ZNF831: variants seen among roughly 807,000 people sequenced by gnomAD.
ZNF831 encodes the protein chromosome 20 open reading frame 174.
ZNF831 carries 59 observed loss-of-function variants against 95.8 expected under a neutral mutation model. The observed-to-expected ratio is 0.62, with a 90% CI of 0.50 to 0.77. ZNF831 has a LOEUF of 0.77. ZNF831 is among the 30% of genes least tolerant of loss of function. The pLI, the probability that ZNF831 is intolerant of heterozygous loss-of-function variation, is 0.00. For missense variants in ZNF831, 2,205 were observed against 2,164.0 expected (o/e 1.02, Z -0.38); for synonymous variants, 961 against 925.5 (o/e 1.04, Z -0.70).
intron 1 of ZNF831, among the ~76,000 whole-genome samples, chr20:59,134,354 C>T (rs1186516390): frequency 1.3e-5 from 2 of 152,212 alleles, no homozygotes; most frequent in Non-Finnish European, 2.9e-5. Context: ...TGCCATCCTG[C>T]TCATCACTGT....
chr20:59,224,443 C>T (rs188453954), intron 4 of ZNF831, among the ~76,000 whole-genome samples: 122 of 152,312 alleles, frequency 8.0e-4, no homozygotes, highest in African/African-American at 2.8e-3. Flanking sequence ...TTTGTTCCCT[C>T]CTGATGGCTT....
chr20:59,197,292 C>T (rs940219104), intron 3 of ZNF831, among the ~76,000 whole-genome samples: 23 of 152,104 alleles, frequency 1.5e-4, no homozygotes, highest in African/African-American at 4.1e-4. Context: ...TTTCCCTAAT[C>T]GCTTTCTGGC....
intron 1 of ZNF831, among the ~76,000 whole-genome samples, chr20:59,128,270 C>G (rs1031671821): frequency 6.6e-6 from 1 of 152,212 alleles, no homozygotes. Flanking sequence ...GTAAAATGTA[C>G]AGACCAGGTG....
At position 59,254,616 on chromosome 20, in the gene ZNF831, T is replaced by C. The variant is rs772486806; in HGVS notation, c.4907T>C (p.Ile1636Thr). 2 of 1,613,914 alleles carry C rather than the reference T, an allele frequency of 1.2e-6. No individual in the cohort carries two copies. Among genetic ancestry groups the C allele is most frequent in the South Asian group, 2.2e-5 (2 of 91,080 alleles). The change falls in exon 6 of 6, where the codon ATA becomes ACA. Residue 1636 changes from isoleucine (I) to threonine (T), a missense_variant. By Grantham distance (89) the Ile-to-Thr change is moderately conservative. Transcript: ENST00000371030. The surrounding 1 kb of genome is among the most constrained non-coding windows in gnomAD (Gnocchi z 4.5). The stretch of plus-strand genomic sequence containing the variant: ...GTTCCTTCTAAGCCAGAGCAGCCCA[T>C]AGAAATTCCTGAAGCCCCTTCTAAA... ...SVVPSKPEQPIEIPEAPSKSL... is the reference protein window; with the variant it reads ...SVVPSKPEQPTEIPEAPSKSL...
In ZNF831 at chr20:59,193,734, A is replaced by G. The variant is rs1347670637; in HGVS notation, c.2715A>G (p.Pro905=). Residue 905 remains proline (P), a synonymous_variant, in exon 2 of 6, where the codon CCA becomes CCG. Coordinates refer to ENST00000371030, the MANE Select transcript of ZNF831 (RefSeq NM_178457.3). The part of the protein sequence containing the change: ...KRVGPRDKAT[P]LHPAAPAPAE... ...TGGGGCCAAGGGACAAGGCTACCCC[A>G]CTGCATCCTGCAGCCCCAGCCCCCG... The G allele has an allele frequency of 1.9e-6, 3 of 1,610,608 alleles. No homozygotes were observed. Among genetic ancestry groups the G allele is most frequent in the Non-Finnish European group, 2.5e-6 (3 of 1,178,388 alleles).
intron 1 of ZNF831, among the ~76,000 whole-genome samples, chr20:59,178,174 T>G (rs978140847): frequency 7.2e-5 from 11 of 152,024 alleles, no homozygotes; most frequent in African/African-American, 2.2e-4. Flanking sequence ...TCAAGCCCCC[T>G]CCTTTCACTT....
In ZNF831 at chr20:59,208,223, T is replaced by C. The variant is rs1462495161; in HGVS notation, c.4027+1167T>C. Among the ~76,000 whole-genome samples the C allele has an allele frequency of 2.6e-5, 4 of 152,312 alleles. No homozygotes were observed. The highest frequency in any genetic ancestry group is 2.6e-4 in the Admixed American group (4 of 15,302). On this transcript the variant is annotated intron_variant, in intron 4 of 5. Transcript: ENST00000371030. This position sits in a 1 kb window ranked among gnomAD's most constrained non-coding sequence, Gnocchi z 4.2. ...AGCTGGCTCTGAGCTCTCTTCCTCA[T>C]CTGTGGCTCTCAACCTCACCTCCAT...
intron 2 of ZNF831, among the ~76,000 whole-genome samples, chr20:59,154,364 C>T (rs189391424): frequency 3.9e-5 from 6 of 152,268 alleles, no homozygotes; most frequent in East Asian, 3.9e-4. Flanking sequence ...CCAGGTGGTG[C>T]GGTCCCAGAG....
At chr20:59,230,716 G>C (rs912563738) in intron 4 of ZNF831, among the ~76,000 whole-genome samples, 1 of 152,178 alleles carries the variant, frequency 6.6e-6, no homozygotes. Flanking sequence ...GACAGACATA[G>C]CAAATTTACC....
Position 59,192,913 on chromosome 20 carries a change from T to C in ZNF831, c.1894T>C (p.Tyr632His), listed in dbSNP as rs2146574087. 2 of 1,599,226 alleles carry C rather than the reference T, an allele frequency of 1.3e-6. No homozygotes were observed. The highest frequency in any genetic ancestry group is 1.7e-6 in the Non-Finnish European group (2 of 1,173,448). ...CGGGGATGAGACGTTCAAAAGGATCTACCAGAAAATGAAAGCCAGTCCCCA... is the reference window on the plus strand; with the variant it reads ...CGGGGATGAGACGTTCAAAAGGATCCACCAGAAAATGAAAGCCAGTCCCCA... ...VYGDETFKRI[Y>H]QKMKASPHGG... The change falls in exon 2 of 6, where the codon TAC becomes CAC. Residue 632 changes from tyrosine to histidine, a missense_variant. Coordinates refer to ENST00000371030, the MANE Select transcript of ZNF831 (RefSeq NM_178457.3). This position sits in a 1 kb window ranked among gnomAD's most constrained non-coding sequence, Gnocchi z 5.2.
At chr20:59,225,018 G>T (rs552500433) in intron 4 of ZNF831, among the ~76,000 whole-genome samples, 124 of 152,002 alleles carry the variant, frequency 8.2e-4, no homozygotes, top group African/African-American at 2.7e-3. Context: ...ACTGGTGGGG[G>T]AAAAGCTCTT....
chr20:59,143,020 C>T (rs977318130), intron 1 of ZNF831, among the ~76,000 whole-genome samples: 2 of 152,176 alleles, frequency 1.3e-5, no homozygotes, highest in Non-Finnish European at 2.9e-5. Context: ...CTGCCACAGC[C>T]TCCAGAGTAG....
Position 59,193,718 on chromosome 20 carries a change from G to A in ZNF831, c.2699G>A (p.Arg900Lys). The A allele has an allele frequency of 6.2e-7, 1 of 1,612,206 alleles. No individual in the cohort carries two copies. The highest frequency in any genetic ancestry group is 8.5e-7 in the Non-Finnish European group (1 of 1,179,232). ...GTTGCCCTGAAGAGGGTGGGGCCAAGGGACAAGGCTACCCCACTGCATCCT... is the reference window on the plus strand; with the variant it reads ...GTTGCCCTGAAGAGGGTGGGGCCAAAGGACAAGGCTACCCCACTGCATCCT... Reference protein sequence around the residue: ...ASVALKRVGPRDKATPLHPAA... With the variant: ...ASVALKRVGPKDKATPLHPAA... The change falls in exon 2 of 6, where the codon AGG (arginine) becomes AAG (lysine). Residue 900 changes from arginine (R) to lysine (K), a missense_variant. Coordinates refer to ENST00000371030, the MANE Select transcript of ZNF831 (RefSeq NM_178457.3).
intron 1 of ZNF831, among the ~76,000 whole-genome samples, chr20:59,171,326 C>G (rs989744076): frequency 6.6e-6 from 1 of 152,232 alleles, no homozygotes; most frequent in African/African-American, 2.4e-5. Flanking sequence ...GTTTGCATCC[C>G]TTATCATACA....
chr20:59,175,467 T>G (rs572615915), intron 1 of ZNF831, among the ~76,000 whole-genome samples: 1 of 152,260 alleles, frequency 6.6e-6, no homozygotes, highest in Non-Finnish European at 1.5e-5. Flanking sequence ...TTGCTCAGAT[T>G]GGGTAATTTC....
chr20:59,216,708 T>A (rs1985703550), intron 4 of ZNF831, among the ~76,000 whole-genome samples: 1 of 151,862 alleles, frequency 6.6e-6, no homozygotes, highest in African/African-American at 2.4e-5. Flanking sequence ...GCCAGGTGCA[T>A]GGGGGACGGG....
At chr20:59,242,959 A>T (rs931230047) in intron 4 of ZNF831, among the ~76,000 whole-genome samples, 1 of 152,210 alleles carries the variant, frequency 6.6e-6, no homozygotes, top group African/African-American at 2.4e-5. Context: ...TGTGGCATTT[A>T]CCACAATACC....
chr20:59,144,409 G>A (rs1055706539), intron 1 of ZNF831, among the ~76,000 whole-genome samples: 5 of 152,142 alleles, frequency 3.3e-5, no homozygotes, highest in Non-Finnish European at 5.9e-5. Context: ...TGGTGGAGGC[G>A]TCCTGGGCAT....
In ZNF831 at chr20:59,254,027, G is replaced by A. The variant is rs2146762848; in HGVS notation, c.4318G>A (p.Gly1440Ser). The A allele has an allele frequency of 1.2e-6, 2 of 1,614,088 alleles. No individual in the cohort carries two copies. Among genetic ancestry groups the A allele is most frequent in the Admixed American group, 3.3e-5 (2 of 60,012 alleles). Reference protein sequence around the residue: ...VNDVPLPPGKGLDLGLLETQL... With the variant: ...VNDVPLPPGKSLDLGLLETQL... The stretch of plus-strand genomic sequence containing the variant: ...TGACGTGCCTCTACCCCCTGGCAAA[G>A]GTCTTGACCTTGGGTTGCTGGAGAC... The change falls in exon 6 of 6, where the codon GGT becomes AGT. Residue 1440 changes from glycine to serine, a missense_variant. Transcript: ENST00000371030. The surrounding 1 kb of genome is among the most constrained non-coding windows in gnomAD (Gnocchi z 4.5).
Sources: allele counts gnomAD v4.1 joint callset (sites outside exome capture counted in the v4.1 genomes callset), GRCh38; gene constraint gnomAD v4.1.1; non-coding constraint Gnocchi (gnomAD v3.1); transcripts MANE v1.5; gene names NCBI Gene and HGNC (gene_info 2026-07-23, HGNC 2026-07-21).